Variants in MACROD2 observed in about 807,000 individuals in gnomAD.
MACROD2 encodes the protein ADP-ribose glycohydrolase MACROD2.
In MACROD2, 36 loss-of-function variants were observed where a neutral mutation model predicts 70.4. The observed-to-expected ratio is 0.51, with a 90% CI of 0.39 to 0.68. The LOEUF (loss-of-function observed/expected upper bound fraction) is 0.68, where lower values mean the gene tolerates loss of function less well. Among genes scored for constraint, MACROD2 ranks in the 30% least tolerant of loss-of-function variants. MACROD2 has a pLI of 0.00. For missense variants in MACROD2, 496 were observed against 538.4 expected, an observed-to-expected ratio of 0.92 and a Z score of 0.78; for synonymous variants, 172 against 178.8, an observed-to-expected ratio of 0.96 and a Z score of 0.30.
intron 5 of MACROD2, among the ~76,000 whole-genome samples, chr20:14,806,645 C>T (rs1851372634): frequency 6.6e-6 from 1 of 152,106 alleles, no homozygotes; most frequent in African/African-American, 2.4e-5. Context: ...TGGTCTTGCT[C>T]AGTGGATCCC....
At chr20:15,482,864 T>C (rs1224300913) in intron 7 of MACROD2, among the ~76,000 whole-genome samples, 1 of 152,200 alleles carries the variant, frequency 6.6e-6, no homozygotes, top group Non-Finnish European at 1.5e-5. Context: ...TCTGTGTATC[T>C]TCTTTGGTGG....
intron 5 of MACROD2, among the ~76,000 whole-genome samples, chr20:15,121,341 G>A (rs117053292): frequency 2.9e-3 from 444 of 151,978 alleles, no homozygotes; most frequent in Non-Finnish European, 4.6e-3. Context: ...GTGAAACCCT[G>A]TCGCTACAAA....
At position 14,822,848 on chromosome 20, in the gene MACROD2, A is replaced by G. The variant is rs138170266; in HGVS notation, c.418+137889A>G. Among the ~76,000 whole-genome samples the G allele has an allele frequency of 6.1e-3, 931 of 152,230 alleles. 13 individuals carry two copies. The highest frequency in any genetic ancestry group is 0.021 in the African/African-American group (864 of 41,540). Reference sequence around the variant, plus strand: ...ATCCATGTCATTAGTGAAGATATGGATTAATTCCACATTGGATTTCATTGT... The same window carrying G: ...ATCCATGTCATTAGTGAAGATATGGGTTAATTCCACATTGGATTTCATTGT... On this transcript the variant is annotated intron_variant, in intron 5 of 17. Transcript: ENST00000684519.
At chr20:14,127,222 C>A (rs551036859) in intron 3 of MACROD2, among the ~76,000 whole-genome samples, 1 of 152,264 alleles carries the variant, frequency 6.6e-6, no homozygotes, top group Non-Finnish European at 1.5e-5. Context: ...GATAGATGAT[C>A]AAATCAGCCA....
At chr20:14,184,962 AT>A (rs1410750055) in intron 3 of MACROD2, among the ~76,000 whole-genome samples, 1 of 151,964 alleles carries the variant, frequency 6.6e-6, no homozygotes, top group African/African-American at 2.4e-5. Context: ...TATCTAGTTA[AT>A]TTGTTTACTT....
intron 8 of MACROD2, among the ~76,000 whole-genome samples, chr20:15,687,357 A>G (rs2050241501): frequency 6.6e-6 from 1 of 152,042 alleles, no homozygotes; most frequent in Non-Finnish European, 1.5e-5. Flanking sequence ...GATAAATGAT[A>G]GCAGCTGCTG....
chr20:14,815,435 A>G (rs1487732446), intron 5 of MACROD2, among the ~76,000 whole-genome samples: 4 of 152,070 alleles, frequency 2.6e-5, no homozygotes, highest in Admixed American at 2.0e-4. Flanking sequence ...TGAAGTTTTT[A>G]TAGATTTAAT....
rs143852887 is a variant in MACROD2, at chr20:14,188,249, T to C, written c.271+102521T>C. 4.6e-5 allele frequency among the ~76,000 whole-genome samples: 7 copies of C among 152,252 alleles called. No individual in the cohort carries two copies. In the East Asian group the frequency reaches 1.4e-3, roughly 29 times the overall value. On this transcript the variant is annotated intron_variant, in intron 3 of 17. Transcript: ENST00000684519. ...GGCTAAATCCTAGGAATATCCAGTT[T>C]TGAGATATCTTTATGTACCTCTTAC... is the stretch of plus-strand genomic sequence containing the variant.
chr20:15,109,494 AG>A (rs1216397722), intron 5 of MACROD2, among the ~76,000 whole-genome samples: 1 of 152,186 alleles, frequency 6.6e-6, no homozygotes, highest in Non-Finnish European at 1.5e-5. Context: ...AAGAGATGGC[AG>A]GGCTCCTCCA....
chr20:16,016,240 C>T (rs979544481), intron 15 of MACROD2, among the ~76,000 whole-genome samples: 1 of 152,112 alleles, frequency 6.6e-6, no homozygotes, highest in Non-Finnish European at 1.5e-5. Flanking sequence ...AATGAATCAC[C>T]AAGAACTGAT....
intron 6 of MACROD2, among the ~76,000 whole-genome samples, chr20:15,316,859 A>G (rs971254753): frequency 1.3e-5 from 2 of 152,154 alleles, no homozygotes; most frequent in African/African-American, 4.8e-5. Flanking sequence ...TCTGACCACA[A>G]TGACATGAAG....
At chr20:15,569,005 C>A (rs1487657803) in intron 8 of MACROD2, among the ~76,000 whole-genome samples, 1 of 152,086 alleles carries the variant, frequency 6.6e-6, no homozygotes, top group East Asian at 1.9e-4. Flanking sequence ...AGAAAGGAGA[C>A]AAAAAATCTT....
At chr20:14,643,553 TA>T (rs1985208599) in intron 4 of MACROD2, among the ~76,000 whole-genome samples, 1 of 152,228 alleles carries the variant, frequency 6.6e-6, no homozygotes, top group African/African-American at 2.4e-5. Flanking sequence ...TTCACAAATT[TA>T]AATTTATAAA....
intron 4 of MACROD2, among the ~76,000 whole-genome samples, chr20:14,632,109 AT>A (rs1984544963): frequency 6.6e-6 from 1 of 151,892 alleles, no homozygotes; most frequent in Admixed American, 6.6e-5. Context: ...TATAAGGAAT[AT>A]TGATTATATT....
At chr20:15,835,503 G>A (rs920593304) in intron 8 of MACROD2, among the ~76,000 whole-genome samples, 2 of 151,872 alleles carry the variant, frequency 1.3e-5, no homozygotes, top group Non-Finnish European at 2.9e-5. Flanking sequence ...AATTAACATA[G>A]CCAGATGATT....
chr20:15,140,991 T>C (rs901413562), intron 5 of MACROD2, among the ~76,000 whole-genome samples: 1 of 152,186 alleles, frequency 6.6e-6, no homozygotes, highest in African/African-American at 2.4e-5. Context: ...CCAGATTCCA[T>C]TTACATGCAT....
rs138901427 is a variant in MACROD2, at chr20:14,229,870, C to T, written c.271+144142C>T. Among the ~76,000 whole-genome samples the T allele has an allele frequency of 3.3e-3, 501 of 152,160 alleles. 2 individuals are homozygous for T. Among genetic ancestry groups the T allele is most frequent in the Non-Finnish European group, 4.0e-3 (273 of 68,008 alleles). On this transcript the variant is annotated intron_variant, in intron 3 of 17. Coordinates refer to ENST00000684519, the MANE Select transcript of MACROD2 (RefSeq NM_001351661.2). ...GATATAATGGAATACAGATATAATG[C>T]GGAGACACTGCAGTTTTGGTTTCAG... is the stretch of plus-strand genomic sequence containing the variant.
intron 2 of MACROD2, among the ~76,000 whole-genome samples, chr20:14,059,819 A>G (rs550279631): frequency 2.6e-5 from 4 of 152,342 alleles, no homozygotes; most frequent in Non-Finnish European, 5.9e-5. Flanking sequence ...TAAGTGCTAT[A>G]AAGAAGATAA....
intron 3 of MACROD2, among the ~76,000 whole-genome samples, chr20:14,197,881 G>T (rs1210334419): frequency 6.6e-6 from 1 of 152,154 alleles, no homozygotes; most frequent in Non-Finnish European, 1.5e-5. Context: ...AAATTTGTGT[G>T]CATGTGTATA....
Sources: gnomAD v4.1 joint callset for allele counts (sites outside exome capture counted in the v4.1 genomes callset) on GRCh38, gnomAD v4.1.1 for gene constraint, MANE v1.5 for transcripts, NCBI Gene and HGNC (gene_info 2026-07-23, HGNC 2026-07-21) for gene names.